Variants in SIK3 observed in about 807,000 individuals in gnomAD.
SIK3 encodes serine/threonine-protein kinase SIK3.
In SIK3, 28 loss-of-function variants were observed where a neutral mutation model predicts 144.2. The observed-to-expected ratio is 0.19, with a 90% CI of 0.14 to 0.27. SIK3 has a LOEUF of 0.27. Ranked by LOEUF, SIK3 falls within the 10% of genes least tolerant of loss-of-function variation. The pLI is 1.00. For missense variants in SIK3, 1,319 were observed against 1,776.0 expected, an observed-to-expected ratio of 0.74 and a Z score of 4.62; for synonymous variants, 686 against 676.3, an observed-to-expected ratio of 1.01 and a Z score of -0.22.
intron 1 of SIK3, among the ~76,000 whole-genome samples, chr11:117,074,778 T>A (rs899318250): frequency 2.0e-5 from 3 of 151,198 alleles, no homozygotes; most frequent in African/African-American, 7.3e-5. Context: ...CAAAAAAAAA[T>A]TAGCCAGGTG....
At chr11:116,850,080 A>G (rs936504877) in intron 21 of SIK3, among the ~76,000 whole-genome samples, 2 of 152,128 alleles carry the variant, frequency 1.3e-5, no homozygotes, top group East Asian at 3.8e-4. Flanking sequence ...TGGGGCCACT[A>G]TTGATTCCTT....
intron 1 of SIK3, among the ~76,000 whole-genome samples, chr11:117,042,448 G>C (rs1565587328): frequency 6.6e-6 from 1 of 152,188 alleles, no homozygotes; most frequent in Non-Finnish European, 1.5e-5. Flanking sequence ...GTCTGCATTA[G>C]AAGCATTTGA....
Position 116,849,126 on chromosome 11 carries a change from A to G in SIK3, c.3813T>C (p.Asp1271=), listed in dbSNP as rs1201878635. ...QRHHTIQNSD[D]AYVQLDNLPG... ...GCAGGTGGGACCAACATACATAAGC[A>G]TCGTCGCTGTTCTGGATCGTGTGGT... Residue 1271 remains aspartate, a synonymous_variant, in exon 22 of 25, where the codon GAT becomes GAC. Transcript: ENST00000445177. This position sits in a 1 kb window ranked among gnomAD's most constrained non-coding sequence, Gnocchi z 4.2. 2.5e-6 allele frequency: 4 copies of G among 1,592,434 alleles called. No individual in the cohort carries two copies. Among genetic ancestry groups the G allele is most frequent in the South Asian group, 1.1e-5 (1 of 88,574 alleles).
chr11:117,090,783 T>C (rs1219122487), intron 1 of SIK3, among the ~76,000 whole-genome samples: 1 of 152,232 alleles, frequency 6.6e-6, no homozygotes, highest in African/African-American at 2.4e-5. Flanking sequence ...CATAGGGTAC[T>C]AAAAGTTAGT....
At chr11:116,983,402 C>T (rs186014438) in intron 1 of SIK3, among the ~76,000 whole-genome samples, 15 of 151,732 alleles carry the variant, frequency 9.9e-5, no homozygotes, top group Non-Finnish European at 2.1e-4. Flanking sequence ...TGTTGGAGGG[C>T]GCCTGTAATC....
At position 116,844,639 on chromosome 11, in the gene SIK3, A is replaced by G. The variant is rs1221206512; in HGVS notation, c.*1004T>C. 1 of 85,862 alleles carries G rather than the reference A, an allele frequency of 1.2e-5. No homozygotes were observed. The highest frequency in any genetic ancestry group is 1.9e-5 in the Non-Finnish European group (1 of 52,702). The allele number at this position is 85,862 out of a possible 1,614,324, so 5.3% of individuals were successfully genotyped here. On this transcript the variant is annotated 3_prime_UTR_variant, in exon 25 of 25. Coordinates refer to ENST00000445177, the MANE Select transcript of SIK3 (RefSeq NM_001366686.3). ...ATATAATATATATATAATATATTATATTATATATTATATATATAATATATA... is the reference window on the plus strand; with the variant it reads ...ATATAATATATATATAATATATTATGTTATATATTATATATATAATATATA...
intron 1 of SIK3, among the ~76,000 whole-genome samples, chr11:116,974,910 T>A (rs1316201375): frequency 6.6e-6 from 1 of 152,196 alleles, no homozygotes; most frequent in Admixed American, 6.5e-5. Flanking sequence ...AAAAGCTAAG[T>A]GAACTGTGGT....
At chr11:117,049,982 T>C (rs1247803095) in intron 1 of SIK3, among the ~76,000 whole-genome samples, 1 of 151,150 alleles carries the variant, frequency 6.6e-6, no homozygotes, top group African/African-American at 2.4e-5. Flanking sequence ...TAGGATCTTA[T>C]ATTATAGTAT....
rs545639182 is a variant in SIK3, at chr11:117,047,172, G to A, written c.273+50971C>T. On this transcript the variant is annotated intron_variant, in intron 1 of 24. Transcript: ENST00000445177. ...ACTATTATAGTAAAACACAATCGAT[G>A]AAGACAATGCAAATGTTACAAATTT... is the stretch of plus-strand genomic sequence containing the variant. Among the ~76,000 whole-genome samples the A allele has an allele frequency of 8.7e-4, 133 of 152,246 alleles. 1 individual carries two copies. Among genetic ancestry groups the A allele is most frequent in the Non-Finnish European group, 9.9e-4 (67 of 68,020 alleles).
chr11:117,056,574 T>TAGATATAG, intron 1 of SIK3, among the ~76,000 whole-genome samples: 2 of 119,894 alleles, frequency 1.7e-5, no homozygotes, highest in Non-Finnish European at 3.3e-5. Context: ...GATATAGATA[T>TAGATATAG]AGATATAGAT....
intron 1 of SIK3, among the ~76,000 whole-genome samples, chr11:117,086,755 G>A (rs1955028315): frequency 6.6e-6 from 1 of 151,658 alleles, no homozygotes; most frequent in South Asian, 2.1e-4. Context: ...CCAGCACTTT[G>A]GGAGGTCGAG....
Position 116,849,253 on chromosome 11 carries a change from C to A in SIK3, c.3686G>T (p.Ser1229Ile). 1 of 1,614,226 alleles carries A rather than the reference C, an allele frequency of 6.2e-7. No individual in the cohort carries two copies. Among genetic ancestry groups the A allele is most frequent in the East Asian group, 2.2e-5 (1 of 44,890 alleles). The part of the protein sequence containing the change: ...EPVIGNCMDR[S>I]SPGQAVELPD... ...CAGCTCCACTGCTTGTCCTGGAGAA[C>A]TTCTATCCATGCAGTTCCCTATGAC... The change falls in exon 22 of 25, where the codon AGT (serine) becomes ATT (isoleucine). Residue 1229 changes from serine to isoleucine, a missense_variant. By Grantham distance (142) the Ser-to-Ile change is moderately radical. Around this residue, in one of 8 missense-constraint regions of SIK3, gnomAD observed 646 missense variants for 763.7 expected, o/e 0.85. Coordinates refer to ENST00000445177, the MANE Select transcript of SIK3 (RefSeq NM_001366686.3). The surrounding 1 kb of genome is among the most constrained non-coding windows in gnomAD (Gnocchi z 4.2).
chr11:116,857,638 C>T lies in SIK3; in HGVS notation c.3655+172G>A, dbSNP rs940158553. The T allele has an allele frequency of 4.6e-6, 5 of 1,081,762 alleles. No homozygotes were observed. The Admixed American group carries it at 1.3e-4, about 29-fold the overall frequency. 67.0% of individuals were successfully genotyped at this position (1,081,762 alleles called of 1,614,324 possible). On this transcript the variant is annotated intron_variant, in intron 21 of 24. Coordinates refer to ENST00000445177, the MANE Select transcript of SIK3 (RefSeq NM_001366686.3). ...ATGGTCCTTTGATTTTGAAAATGGA[C>T]CCCTTGCCCACCAATACCCACTTCC...
At chr11:116,953,129 G>C (rs1418981739) in intron 3 of SIK3, among the ~76,000 whole-genome samples, 1 of 151,848 alleles carries the variant, frequency 6.6e-6, no homozygotes, top group Non-Finnish European at 1.5e-5. Flanking sequence ...CATCCATGCA[G>C]CCACAACTGA....
chr11:117,040,415 G>A (rs1406602081), intron 1 of SIK3, among the ~76,000 whole-genome samples: 1 of 152,186 alleles, frequency 6.6e-6, no homozygotes, highest in African/African-American at 2.4e-5. Context: ...CAATAGCTAA[G>A]CTACAAGCTT....
chr11:116,991,251 C>G (rs534358865), intron 1 of SIK3, among the ~76,000 whole-genome samples: 2 of 152,218 alleles, frequency 1.3e-5, no homozygotes, highest in South Asian at 4.1e-4. Context: ...AGTTTGAGAC[C>G]AGCTGGCCAA....
intron 1 of SIK3, among the ~76,000 whole-genome samples, chr11:116,968,027 G>A (rs1213727990): frequency 6.6e-6 from 1 of 152,160 alleles, no homozygotes; most frequent in African/African-American, 2.4e-5. Flanking sequence ...TCAAACAAAT[G>A]TTATTTCCAT....
chr11:116,881,050 G>A (rs1258133949), intron 6 of SIK3, among the ~76,000 whole-genome samples: 1 of 152,110 alleles, frequency 6.6e-6, no homozygotes, highest in Admixed American at 6.5e-5. Flanking sequence ...CGTGAACCTG[G>A]GAGGCGGAGC....
intron 6 of SIK3, among the ~76,000 whole-genome samples, chr11:116,894,552 A>G (rs1945294001): frequency 6.6e-6 from 1 of 152,188 alleles, no homozygotes; most frequent in African/African-American, 2.4e-5. Context: ...ATCCAACACT[A>G]AATGTTATTG....
Sources: allele counts gnomAD v4.1 joint callset (sites outside exome capture counted in the v4.1 genomes callset), GRCh38; gene constraint gnomAD v4.1.1; regional missense constraint gnomAD v4.1.1; non-coding constraint Gnocchi (gnomAD v3.1); transcripts MANE v1.5; gene names NCBI Gene and HGNC (gene_info 2026-07-23, HGNC 2026-07-21).